The following SPOPL variants were observed in gnomAD, a reference collection of about 807,000 sequenced individuals.
The protein encoded by SPOPL is speckle type BTB/POZ protein like.
A neutral mutation model predicts 53.8 loss-of-function variants in SPOPL; 23 were observed. That is an observed-to-expected ratio of 0.43 (90% CI 0.31 to 0.61). SPOPL has a LOEUF of 0.61. Among genes scored for constraint, SPOPL ranks in the 20% least tolerant of loss-of-function variants. The probability of loss-of-function intolerance (pLI) is 0.12; values close to 1 mark genes in which losing one functional copy is unlikely to be tolerated. For synonymous variants in SPOPL, 164 were observed against 149.7 expected (o/e 1.10, Z -0.70); for missense variants, 442 against 466.9 (o/e 0.95, Z 0.49).
chr2:138,518,841 A>G (rs892820610), intron 1 of SPOPL, among the ~76,000 whole-genome samples: 4 of 152,228 alleles, frequency 2.6e-5, no homozygotes, highest in Non-Finnish European at 5.9e-5. Flanking sequence ...TTAAAACTAT[A>G]TTTGGACAAA....
chr2:138,512,730 TTTTG>T (rs924004643), intron 1 of SPOPL, among the ~76,000 whole-genome samples: 15 of 152,188 alleles, frequency 9.9e-5, no homozygotes, highest in East Asian at 3.8e-4. Context: ...TTTCATTGTT[TTTTG>T]TTTGTTTGTT....
At chr2:138,532,695 G>T (rs1684840081) in intron 1 of SPOPL, among the ~76,000 whole-genome samples, 1 of 150,626 alleles carries the variant, frequency 6.6e-6, no homozygotes, top group South Asian at 2.1e-4. Flanking sequence ...GCCCGCCTCG[G>T]CCTCCCAAAG....
At chr2:138,546,195 G>A (rs1379178925) in intron 1 of SPOPL, among the ~76,000 whole-genome samples, 4 of 152,280 alleles carry the variant, frequency 2.6e-5, no homozygotes, top group African/African-American at 7.2e-5. Flanking sequence ...ATGTTTATTT[G>A]AATAACAAAT....
At chr2:138,554,429 C>G (rs1363523381) in intron 5 of SPOPL, 2 of 1,222,842 alleles carry the variant, frequency 1.6e-6, no homozygotes, top group Admixed American at 4.9e-5. Context: ...GGATGCCCTT[C>G]CTTCTACAGA....
chr2:138,559,214 T>C lies in SPOPL; in HGVS notation c.658+15T>C, dbSNP rs747746801. The C allele has an allele frequency of 1.2e-6, 2 of 1,611,452 alleles. No individual in the cohort carries two copies. Among genetic ancestry groups the C allele is most frequent in the Admixed American group, 3.4e-5 (2 of 59,562 alleles). The stretch of plus-strand genomic sequence containing the variant: ...TGTGCTTGCAGGTACTTTCTAGTTA[T>C]GGGGTAATATAGTACATTTAAAAAA... On this transcript the variant is annotated intron_variant, in intron 6 of 10. Coordinates refer to ENST00000280098, the MANE Select transcript of SPOPL (RefSeq NM_001001664.3).
In SPOPL at chr2:138,564,832, C is replaced by A; in HGVS notation, c.962C>A (p.Ala321Asp). Reference sequence around the variant, plus strand: ...AGTGCAGAACAGTTGAAAGCACAAGCCATAGACTTTATTAATAGGTAAGCT... The same window carrying A: ...AGTGCAGAACAGTTGAAAGCACAAGACATAGACTTTATTAATAGGTAAGCT... ...LHSAEQLKAQ[A>D]IDFINRCSVL... Residue 321 changes from alanine (A) to aspartate (D), a missense_variant, in exon 9 of 11, where the codon GCC becomes GAC. Transcript: ENST00000280098. 1 of 1,614,138 alleles carries A rather than the reference C, an allele frequency of 6.2e-7. No homozygotes were observed. The highest frequency in any genetic ancestry group is 8.5e-7 in the Non-Finnish European group (1 of 1,180,006).
chr2:138,529,559 T>G (rs115290969), intron 1 of SPOPL, among the ~76,000 whole-genome samples: 1 of 150,962 alleles, frequency 6.6e-6, no homozygotes, highest in Non-Finnish European at 1.5e-5. Flanking sequence ...CGCTTCTGCA[T>G]TCTCCTTTTT....
At chr2:138,514,156 T>TG (rs1177944785) in intron 1 of SPOPL, among the ~76,000 whole-genome samples, 1 of 152,208 alleles carries the variant, frequency 6.6e-6, no homozygotes, top group Non-Finnish European at 1.5e-5. Context: ...GTTGAGGACC[T>TG]GCGCTGGGGT....
chr2:138,553,460 A>G (rs1257070844), intron 5 of SPOPL, among the ~76,000 whole-genome samples: 1 of 152,146 alleles, frequency 6.6e-6, no homozygotes, highest in African/African-American at 2.4e-5. Flanking sequence ...AAGGCAGTTG[A>G]TAATTTTCAT....
intron 1 of SPOPL, among the ~76,000 whole-genome samples, chr2:138,502,325 G>T (rs1343111796): frequency 2.0e-5 from 3 of 152,254 alleles, no homozygotes; most frequent in Non-Finnish European, 4.4e-5. Flanking sequence ...CCCTCGCGCG[G>T]CGGCACCACT....
intron 10 of SPOPL, among the ~76,000 whole-genome samples, chr2:138,565,963 T>C (rs1010458693): frequency 3.3e-5 from 5 of 152,150 alleles, no homozygotes; most frequent in Non-Finnish European, 7.4e-5. Flanking sequence ...CTCGATCTCC[T>C]GACCTCATGA....
chr2:138,540,753 G>T (rs930783076), intron 1 of SPOPL, among the ~76,000 whole-genome samples: 11 of 152,054 alleles, frequency 7.2e-5, no homozygotes, highest in African/African-American at 2.7e-4. Context: ...CTGCCTGATT[G>T]CCCTGGCCAG....
At chr2:138,509,558 C>G (rs1171234734) in intron 1 of SPOPL, among the ~76,000 whole-genome samples, 2 of 151,948 alleles carry the variant, frequency 1.3e-5, no homozygotes, top group Non-Finnish European at 2.9e-5. Flanking sequence ...ATTTGTATCT[C>G]CCCTCCTCGA....
At chr2:138,519,789 C>A (rs959742817) in intron 1 of SPOPL, among the ~76,000 whole-genome samples, 3 of 151,906 alleles carry the variant, frequency 2.0e-5, no homozygotes, top group Non-Finnish European at 4.4e-5. Context: ...GAGACTCTAT[C>A]AGAAAAATAA....
Position 138,564,929 on chromosome 2 carries a change from C to T in SPOPL, c.981-11C>T, listed in dbSNP as rs1239169176. On this transcript the variant is annotated splice_polypyrimidine_tract_variant and intron_variant, in intron 9 of 10. Coordinates refer to ENST00000280098, the MANE Select transcript of SPOPL (RefSeq NM_001001664.3). ...GACTTTTTTTTAAGTATGTTTAAATCTTCAATGCAGGTGCAGTGTACTTCG... is the reference window on the plus strand; with the variant it reads ...GACTTTTTTTTAAGTATGTTTAAATTTTCAATGCAGGTGCAGTGTACTTCG... The T allele has an allele frequency of 8.1e-6, 13 of 1,613,854 alleles. No homozygotes were observed. Among genetic ancestry groups the T allele is most frequent in the Non-Finnish European group, 1.0e-5 (12 of 1,179,928 alleles).
chr2:138,506,800 T>C (rs1684224695), intron 1 of SPOPL, among the ~76,000 whole-genome samples: 2 of 152,078 alleles, frequency 1.3e-5, no homozygotes, highest in Non-Finnish European at 2.9e-5. Flanking sequence ...GGAAATAAAT[T>C]TGGGAATAGT....
At chr2:138,547,692 G>GA (rs1401627187) in intron 1 of SPOPL, among the ~76,000 whole-genome samples, 1 of 151,776 alleles carries the variant, frequency 6.6e-6, no homozygotes, top group Non-Finnish European at 1.5e-5. Flanking sequence ...ATAAAAATAA[G>GA]AAAAAAATCT....
intron 1 of SPOPL, among the ~76,000 whole-genome samples, chr2:138,539,158 A>G (rs1685005792): frequency 6.6e-6 from 1 of 152,052 alleles, no homozygotes; most frequent in Admixed American, 6.6e-5. Context: ...ATTGTTGGAC[A>G]TTTGGGTTGG....
At chr2:138,550,755 A>G in intron 3 of SPOPL, 148 bp from the exon 4 acceptor site, 3 of 1,398,934 alleles carry the variant, frequency 2.1e-6, no homozygotes, top group Non-Finnish European at 2.9e-6. Flanking sequence ...GGAATTATAA[A>G]GAACTGTGAG....
Sources: allele counts gnomAD v4.1 joint callset (sites outside exome capture counted in the v4.1 genomes callset), GRCh38; gene constraint gnomAD v4.1.1; transcripts MANE v1.5; gene names NCBI Gene and HGNC (gene_info 2026-07-23, HGNC 2026-07-21).